VPS13A: variants seen among roughly 807,000 people sequenced by gnomAD.
The protein encoded by VPS13A is intermembrane lipid transfer protein VPS13A.
A neutral mutation model predicts 390.9 loss-of-function variants in VPS13A; 264 were observed. The ratio of observed to expected loss-of-function variants is 0.68; its 90% confidence interval spans 0.61 to 0.75. VPS13A has a LOEUF of 0.75. VPS13A is among the 30% of genes least tolerant of loss of function. VPS13A has a pLI of 0.00. For synonymous variants in VPS13A, 1,231 were observed against 1,227.1 expected (o/e 1.00, Z -0.07); for missense variants, 3,409 against 3,733.9 (o/e 0.91, Z 2.27).
chr9:77,326,462 C>G (rs1314412325), intron 45 of VPS13A, among the ~76,000 whole-genome samples: 1 of 151,950 alleles, frequency 6.6e-6, no homozygotes, highest in Non-Finnish European at 1.5e-5. Context: ...TTCCTCGTTT[C>G]TTTTTTCATA....
intron 68 of VPS13A, among the ~76,000 whole-genome samples, chr9:77,390,663 T>TTTGTTG (rs200982435): frequency 2.6e-5 from 3 of 113,680 alleles, no homozygotes; most frequent in East Asian, 3.1e-4. Flanking sequence ...TCCCTCTCTT[T>TTTGTTG]TTGTTGTTGT....
In VPS13A at chr9:77,407,539, G is replaced by C; in HGVS notation, c.9406G>C (p.Val3136Leu). 6.2e-7 allele frequency: 1 copy of C among 1,612,118 alleles called. No homozygotes were observed. The highest frequency in any genetic ancestry group is 8.5e-7 in the Non-Finnish European group (1 of 1,178,512). Residue 3136 changes from valine to leucine, a missense_variant, in exon 71 of 72, where the codon GTG becomes CTG. Val to Leu is a conservative substitution (Grantham distance 32). Around this residue, in one of 5 missense-constraint regions of VPS13A, gnomAD observed 318 missense variants for 333.7 expected, o/e 0.95. Transcript: ENST00000360280. Reference protein sequence around the residue: ...RRLRIEAKERVKSVFHAREFG... With the variant: ...RRLRIEAKERLKSVFHAREFG... Reference sequence around the variant, plus strand: ...TTACATATTCTGTTTATAGGAACGAGTGAAGTCTGTATTTCATGCCAGAGA... The same window carrying C: ...TTACATATTCTGTTTATAGGAACGACTGAAGTCTGTATTTCATGCCAGAGA...
At chr9:77,317,494 A>G (rs1829467577) in intron 39 of VPS13A, 112 bp from the exon 40 acceptor site, 9 of 741,326 alleles carry the variant, frequency 1.2e-5, no homozygotes, top group Non-Finnish European at 2.0e-5. Context: ...CTTTTTAAAT[A>G]GTTGTTTTTA....
chr9:77,411,556 G>A (rs534299065), intron 71 of VPS13A, among the ~76,000 whole-genome samples: 61 of 151,050 alleles, frequency 4.0e-4, no homozygotes, highest in South Asian at 6.3e-4. Context: ...CCAGCTACGC[G>A]GGAGGCTGAG....
intron 70 of VPS13A, 97 bp from the exon 71 acceptor site, chr9:77,407,436 A>T (rs1834676377): frequency 6.3e-6 from 6 of 950,814 alleles, no homozygotes; most frequent in Non-Finnish European, 1.0e-5. Context: ...TATAAGAGGG[A>T]CACTTTAGGC....
At chr9:77,406,318 T>G (rs981988288) in intron 70 of VPS13A, among the ~76,000 whole-genome samples, 1 of 152,252 alleles carries the variant, frequency 6.6e-6, no homozygotes, top group Non-Finnish European at 1.5e-5. Flanking sequence ...TCCTGGCTTT[T>G]TAAATATATT....
intron 70 of VPS13A, among the ~76,000 whole-genome samples, chr9:77,407,328 G>A (rs1834669135): frequency 6.6e-6 from 1 of 152,140 alleles, no homozygotes; most frequent in Admixed American, 6.5e-5. Context: ...TAGGTTTAGT[G>A]ATAATGGTTG....
At chr9:77,378,089 G>A (rs1833204775) in intron 67 of VPS13A, among the ~76,000 whole-genome samples, 1 of 152,078 alleles carries the variant, frequency 6.6e-6, no homozygotes, top group East Asian at 1.9e-4. Context: ...ATTTTTGCAT[G>A]TATATTTATA....
intron 69 of VPS13A, among the ~76,000 whole-genome samples, chr9:77,403,864 C>G (rs746995471): frequency 1.2e-4 from 18 of 152,012 alleles, no homozygotes; most frequent in Admixed American, 2.6e-4. Flanking sequence ...TGAGCAAGTG[C>G]ATTAGTAAGA....
Position 77,340,453 on chromosome 9 carries a change from C to T in VPS13A, c.6929C>T (p.Thr2310Ile), listed in dbSNP as rs1830752499. ...LSSFNITRIV[T>I]FTPFYMIKNK... ...AGTTTTAACATTACTAGAATTGTGA[C>T]ATTTACCCCTTTTTATATGATTAAA... The change falls in exon 50 of 72, where the codon ACA becomes ATA. Residue 2310 changes from threonine to isoleucine, a missense_variant. Transcript: ENST00000360280. 1 of 1,613,312 alleles carries T rather than the reference C, an allele frequency of 6.2e-7. No individual in the cohort carries two copies. The highest frequency in any genetic ancestry group is 8.5e-7 in the Non-Finnish European group (1 of 1,179,634).
chr9:77,386,243 C>T (rs552687663), intron 68 of VPS13A, among the ~76,000 whole-genome samples: 11 of 152,302 alleles, frequency 7.2e-5, no homozygotes, highest in African/African-American at 2.2e-4. Context: ...CTTACTGCTC[C>T]TTCTAAAATC....
At chr9:77,317,725 A>G (rs1169490210) in intron 40 of VPS13A, 27 bp downstream of exon 40, 1 of 1,516,996 alleles carries the variant, frequency 6.6e-7, no homozygotes, top group Non-Finnish European at 9.0e-7. Flanking sequence ...TCATTTGAAT[A>G]TTTAGTGCAC....
At chr9:77,398,729 A>G (rs1372022175) in intron 68 of VPS13A, among the ~76,000 whole-genome samples, 2 of 152,144 alleles carry the variant, frequency 1.3e-5, no homozygotes, top group African/African-American at 4.8e-5. Context: ...TCTCATGTTT[A>G]TAATGGAGAC....
chr9:77,382,295 T>G, intron 68 of VPS13A: 1 of 1,534,362 alleles, frequency 6.5e-7, no homozygotes, highest in East Asian at 2.4e-5. Flanking sequence ...AAAAGTTTGA[T>G]ATGAAAAGTT....
intron 1 of VPS13A, among the ~76,000 whole-genome samples, chr9:77,189,403 G>C (rs1006194116): frequency 1.3e-5 from 2 of 152,016 alleles, no homozygotes; most frequent in Non-Finnish European, 2.9e-5. Context: ...GTTAAAATCA[G>C]ATGGTTGTAG....
chr9:77,404,588 T>C (rs1322267138), intron 69 of VPS13A, among the ~76,000 whole-genome samples: 1 of 152,222 alleles, frequency 6.6e-6, no homozygotes, highest in Non-Finnish European at 1.5e-5. Flanking sequence ...GCAAAATCAG[T>C]TGCAAAGTTT....
intron 45 of VPS13A, among the ~76,000 whole-genome samples, chr9:77,328,358 G>A (rs1014470128): frequency 3.9e-5 from 6 of 152,198 alleles, no homozygotes; most frequent in African/African-American, 1.4e-4. Context: ...AGTAGAGTTA[G>A]CATATTCTTA....
At chr9:77,227,327 G>GATA (rs1344304193) in intron 15 of VPS13A, 64 bp from the exon 16 acceptor site, 2 of 1,149,552 alleles carry the variant, frequency 1.7e-6, no homozygotes, top group Non-Finnish European at 2.6e-6. Flanking sequence ...ATTAAAGGCA[G>GATA]ATACATTGTG....
intron 68 of VPS13A, among the ~76,000 whole-genome samples, chr9:77,390,486 G>A (rs1242974579): frequency 6.6e-6 from 1 of 152,046 alleles, no homozygotes; most frequent in Non-Finnish European, 1.5e-5. Context: ...ACCCCACTTA[G>A]AACCTTCCAG....
Sources: gnomAD v4.1 joint callset for allele counts (sites outside exome capture counted in the v4.1 genomes callset) on GRCh38, gnomAD v4.1.1 for gene constraint, gnomAD v4.1.1 regional missense constraint, MANE v1.5 for transcripts, NCBI Gene and HGNC (gene_info 2026-07-23, HGNC 2026-07-21) for gene names.